Variants in SRC observed in about 807,000 individuals in gnomAD.
SRC encodes SRC proto-oncogene, non-receptor tyrosine kinase, also known as proto-oncogene tyrosine-protein kinase Src.
In SRC, 13 loss-of-function variants were observed where a neutral mutation model predicts 62.9. The observed-to-expected ratio is 0.21, with a 90% CI of 0.13 to 0.33. SRC has a LOEUF of 0.33. SRC is among the 10% of genes least tolerant of loss of function. The pLI, the probability that SRC is intolerant of heterozygous loss-of-function variation, is 1.00. For synonymous variants in SRC, 302 were observed against 317.5 expected, an observed-to-expected ratio of 0.95 and a Z score of 0.52; for missense variants, 457 against 737.3, an observed-to-expected ratio of 0.62 and a Z score of 4.40.
chr20:37,397,677 G>C lies in SRC; in HGVS notation c.704-22G>C, dbSNP rs774381456. 3.9e-6 allele frequency: 6 copies of C among 1,539,494 alleles called. No individual in the cohort carries two copies. Among genetic ancestry groups the C allele is most frequent in the Admixed American group, 1.9e-5 (1 of 52,530 alleles). On this transcript the variant is annotated intron_variant, in intron 8 of 13. Transcript: ENST00000373578. This position sits in a 1 kb window ranked among gnomAD's most constrained non-coding sequence, Gnocchi z 4.1. The stretch of plus-strand genomic sequence containing the variant: ...CCCAGGGCAGAAGACCCGCCTAACT[G>C]CTCCTCCTGCCTCCTCCTCAGAACA...
At position 37,397,446 on chromosome 20, in the gene SRC, C is replaced by T. The variant is rs1347450377; in HGVS notation, c.704-253C>T. On this transcript the variant is annotated intron_variant, in intron 8 of 13. Transcript: ENST00000373578. This position sits in a 1 kb window ranked among gnomAD's most constrained non-coding sequence, Gnocchi z 4.1. Reference sequence around the variant, plus strand: ...AGGTTCCCTGGACATGTTCCCTCCCCGCAGGGTTCCTGGCACCCCCTACTG... The same window carrying T: ...AGGTTCCCTGGACATGTTCCCTCCCTGCAGGGTTCCTGGCACCCCCTACTG... Among the ~76,000 whole-genome samples, 1 of 152,196 alleles carries T rather than the reference C, an allele frequency of 6.6e-6. No individual in the cohort carries two copies. Among genetic ancestry groups the T allele is most frequent in the African/African-American group, 2.4e-5 (1 of 41,432 alleles).
chr20:37,379,018 TG>T (rs1600989393), intron 2 of SRC, among the ~76,000 whole-genome samples: 1 of 62,746 alleles, frequency 1.6e-5, no homozygotes, highest in African/African-American at 6.1e-5. Flanking sequence ...GGGATGGGGG[TG>T]GGGGGGAGAT....
chr20:37,369,214 G>A (rs941107308), intron 2 of SRC, among the ~76,000 whole-genome samples: 3 of 152,160 alleles, frequency 2.0e-5, no homozygotes, highest in African/African-American at 4.8e-5. Flanking sequence ...GTCAATTTTG[G>A]CAAAGAAACT....
chr20:37,367,265 A>G (rs1222852830), intron 2 of SRC, among the ~76,000 whole-genome samples: 1 of 148,914 alleles, frequency 6.7e-6, no homozygotes, highest in Non-Finnish European at 1.5e-5. Flanking sequence ...AAATTTGTGG[A>G]GATGGGGTCT....
rs1332777076 is a variant in SRC at position 37,397,095 on chromosome 20, T to C, written c.704-604T>C. Among the ~76,000 whole-genome samples, 7 of 151,856 alleles carry C rather than the reference T, an allele frequency of 4.6e-5. No homozygotes were observed. The highest frequency in any genetic ancestry group is 1.7e-4 in the African/African-American group (7 of 41,324). ...ATAAAGACCCCCACCGGCCCCTGAG[T>C]GGTCTAATCCTAACTGCCTCCCCAC... On this transcript the variant is annotated intron_variant, in intron 8 of 13. Transcript: ENST00000373578. This position sits in a 1 kb window ranked among gnomAD's most constrained non-coding sequence, Gnocchi z 4.1.
intron 1 of SRC, among the ~76,000 whole-genome samples, chr20:37,353,507 A>ACG (rs1292735484): frequency 6.6e-6 from 1 of 152,148 alleles, no homozygotes; most frequent in African/African-American, 2.4e-5. Context: ...GGGACCCTGA[A>ACG]GGAGCAATGA....
intron 2 of SRC, among the ~76,000 whole-genome samples, chr20:37,368,348 G>C (rs958544795): frequency 6.6e-6 from 1 of 151,818 alleles, no homozygotes; most frequent in Non-Finnish European, 1.5e-5. Context: ...AATTCGGGAG[G>C]CGGAGGTTGC....
intron 5 of SRC, 93 bp from the exon 6 acceptor site, chr20:37,393,802 A>G: frequency 1.1e-6 from 1 of 925,326 alleles, no homozygotes; most frequent in Non-Finnish European, 1.7e-6. Context: ...CAGCCACTAG[A>G]GCCCTGAGCA....
Position 37,400,195 on chromosome 20 carries a change from G to A in SRC, c.940G>A (p.Ala314Thr), listed in dbSNP as rs2147116599. The A allele has an allele frequency of 1.2e-6, 2 of 1,614,072 alleles. No homozygotes were observed. The highest frequency in any genetic ancestry group is 8.5e-7 in the Non-Finnish European group (1 of 1,179,954). ...GTCTCCAGAGGCCTTCCTGCAGGAG[G>A]CCCAGGTCATGAAGAAGCTGAGGCA... is the stretch of plus-strand genomic sequence containing the variant. ...TMSPEAFLQE[A>T]QVMKKLRHEK... Residue 314 changes from alanine (A) to threonine (T), a missense_variant, in exon 10 of 14, where the codon GCC (alanine) becomes ACC (threonine). Transcript: ENST00000373578.
In SRC at chr20:37,398,055, A is replaced by G. The variant is rs79982187; in HGVS notation, c.859+201A>G. On this transcript the variant is annotated intron_variant, in intron 9 of 13. Coordinates refer to ENST00000373578, the MANE Select transcript of SRC (RefSeq NM_198291.3). The surrounding 1 kb of genome is among the most constrained non-coding windows in gnomAD (Gnocchi z 5.2). Reference sequence around the variant, plus strand: ...CTGTGCCCCGGACCGTGCAAACCATAGTGCCTGATTCCAAGATCCGCACAG... The same window carrying G: ...CTGTGCCCCGGACCGTGCAAACCATGGTGCCTGATTCCAAGATCCGCACAG... Among the ~76,000 whole-genome samples the G allele has an allele frequency of 0.01, 1,570 of 152,248 alleles. 29 individuals carry two copies. Among genetic ancestry groups the G allele is most frequent in the African/African-American group, 0.036 (1,499 of 41,540 alleles).
At chr20:37,352,756 C>G (rs1161933995) in intron 1 of SRC, among the ~76,000 whole-genome samples, 1 of 152,134 alleles carries the variant, frequency 6.6e-6, no homozygotes, top group Non-Finnish European at 1.5e-5. Context: ...TGCCCTGCCC[C>G]GATCATCTCC....
intron 4 of SRC, among the ~76,000 whole-genome samples, chr20:37,385,020 G>T (rs2070431561): frequency 6.6e-6 from 1 of 152,194 alleles, no homozygotes; most frequent in Non-Finnish European, 1.5e-5. Context: ...CCCCCGCCAG[G>T]GACACGCACA....
intron 2 of SRC, among the ~76,000 whole-genome samples, chr20:37,379,139 C>T (rs1180909611): frequency 6.6e-6 from 1 of 152,024 alleles, no homozygotes; most frequent in Non-Finnish European, 1.5e-5. Flanking sequence ...CTCGAGGGAG[C>T]GAGCCATAGT....
In SRC at chr20:37,384,565, A is replaced by C. The variant is rs2070419406; in HGVS notation, c.250+162A>C. 6.6e-6 allele frequency among the ~76,000 whole-genome samples: 1 copy of C among 151,144 alleles called. No individual in the cohort carries two copies. The highest frequency in any genetic ancestry group is 2.5e-5 in the African/African-American group (1 of 40,574). On this transcript the variant is annotated intron_variant, in intron 4 of 13. Transcript: ENST00000373578. The surrounding 1 kb of genome is among the most constrained non-coding windows in gnomAD (Gnocchi z 6.7). ...GTCCGGGGGGTGGGGGGGCGGCCGT[A>C]CACACTGTGAAGCGTCCGCGCCGCC...
Position 37,403,899 on chromosome 20 carries a change from T to G in SRC, c.*520T>G, listed in dbSNP as rs1314114420. On this transcript the variant is annotated 3_prime_UTR_variant, in exon 14 of 14. Transcript: ENST00000373578. This position sits in a 1 kb window ranked among gnomAD's most constrained non-coding sequence, Gnocchi z 7.1. The stretch of plus-strand genomic sequence containing the variant: ...AGGCAGAGGCTGCCGAGACAGACCC[T>G]CTGCCGCTGCTTCCAGGCTGGGCAG... 4.1e-6 allele frequency: 1 copy of G among 243,824 alleles called. No homozygotes were observed. Among genetic ancestry groups the G allele is most frequent in the African/African-American group, 2.2e-5 (1 of 45,676 alleles). 15.1% of individuals were successfully genotyped at this position (243,824 alleles called of 1,614,324 possible).
intron 4 of SRC, among the ~76,000 whole-genome samples, chr20:37,385,685 C>T (rs1156602865): frequency 2.6e-5 from 4 of 152,296 alleles, no homozygotes; most frequent in East Asian, 3.9e-4. Flanking sequence ...CTTCATTCAC[C>T]GCTTCCTTCA....
chr20:37,356,970 C>T (rs1162081220), intron 1 of SRC, among the ~76,000 whole-genome samples: 1 of 152,174 alleles, frequency 6.6e-6, no homozygotes, highest in Non-Finnish European at 1.5e-5. Flanking sequence ...TCCTACGGCT[C>T]CTGAGAGAGT....
At position 37,404,301 on chromosome 20, in the gene SRC, G is replaced by A. The variant is rs1441381530; in HGVS notation, c.*922G>A. 1 of 233,574 alleles carries A rather than the reference G, an allele frequency of 4.3e-6. No homozygotes were observed. The highest frequency in any genetic ancestry group is 6.0e-5 in the East Asian group (1 of 16,604). 14.5% of individuals were successfully genotyped at this position (233,574 alleles called of 1,614,324 possible). On this transcript the variant is annotated 3_prime_UTR_variant, in exon 14 of 14. Transcript: ENST00000373578. ...TGGAGGCAGATGTGGGGCTGAGCTGGGGAATCAGGGTAAAAGGTGCAGGTG... is the reference window on the plus strand; with the variant it reads ...TGGAGGCAGATGTGGGGCTGAGCTGAGGAATCAGGGTAAAAGGTGCAGGTG...
At chr20:37,353,285 G>A (rs1477115430) in intron 1 of SRC, among the ~76,000 whole-genome samples, 1 of 152,066 alleles carries the variant, frequency 6.6e-6, no homozygotes, top group Non-Finnish European at 1.5e-5. Flanking sequence ...TCCCCACTGA[G>A]CCCGTCTCCT....
Sources: gnomAD v4.1 joint callset for allele counts (sites outside exome capture counted in the v4.1 genomes callset) on GRCh38, gnomAD v4.1.1 for gene constraint, Gnocchi (gnomAD v3.1) non-coding constraint, MANE v1.5 for transcripts, NCBI Gene and HGNC (gene_info 2026-07-23, HGNC 2026-07-21) for gene names.